The following CDKAL1 variants were observed in gnomAD, a reference collection of about 807,000 sequenced individuals.
The protein encoded by CDKAL1 is threonylcarbamoyladenosine tRNA methylthiotransferase.
In CDKAL1, 32 loss-of-function variants were observed where a neutral mutation model predicts 68.2. The ratio of observed to expected loss-of-function variants is 0.47; its 90% CI spans 0.35 to 0.63. CDKAL1 has a LOEUF of 0.63. Among genes scored for constraint, CDKAL1 ranks in the 30% least tolerant of loss-of-function variants. CDKAL1 has a pLI of 0.00. For missense variants in CDKAL1, 606 were observed against 696.7 expected (o/e 0.87, Z 1.47); for synonymous variants, 234 against 244.3 (o/e 0.96, Z 0.39).
intron 4 of CDKAL1, among the ~76,000 whole-genome samples, chr6:20,598,300 G>A (rs1318573511): frequency 1.3e-5 from 2 of 152,176 alleles, no homozygotes; most frequent in Non-Finnish European, 2.9e-5. Flanking sequence ...GAAAGCTTTG[G>A]TGTGGGCTAG....
intron 13 of CDKAL1, among the ~76,000 whole-genome samples, chr6:21,170,927 T>C (rs1381081348): frequency 6.6e-6 from 1 of 152,216 alleles, no homozygotes; most frequent in East Asian, 1.9e-4. Flanking sequence ...ATCTTAATAC[T>C]AAATGAAAAG....
At chr6:21,165,043 C>T (rs966993638) in intron 13 of CDKAL1, among the ~76,000 whole-genome samples, 1 of 152,152 alleles carries the variant, frequency 6.6e-6, no homozygotes, top group African/African-American at 2.4e-5. Flanking sequence ...TTCCTCCTTC[C>T]CCAGGTGTCT....
intron 9 of CDKAL1, among the ~76,000 whole-genome samples, chr6:20,942,822 G>GC (rs1764048246): frequency 6.7e-6 from 1 of 150,278 alleles, no homozygotes; most frequent in South Asian, 2.1e-4. Context: ...AGGCATGGTG[G>GC]CGTGTGCCTG....
intron 9 of CDKAL1, among the ~76,000 whole-genome samples, chr6:20,867,740 T>C (rs1486082979): frequency 6.6e-6 from 1 of 152,220 alleles, no homozygotes; most frequent in South Asian, 2.1e-4. Context: ...TCTCTGATTT[T>C]ACATTTCATT....
chr6:20,908,682 A>G (rs1005011451), intron 9 of CDKAL1, among the ~76,000 whole-genome samples: 4 of 152,246 alleles, frequency 2.6e-5, no homozygotes, highest in East Asian at 1.9e-4. Flanking sequence ...CCAGTTGACA[A>G]TAAGTTGACT....
intron 8 of CDKAL1, among the ~76,000 whole-genome samples, chr6:20,814,691 C>T (rs1776969301): frequency 6.6e-6 from 1 of 152,190 alleles, no homozygotes; most frequent in Non-Finnish European, 1.5e-5. Flanking sequence ...CTGCTCAATG[C>T]CCTATGTATT....
intron 11 of CDKAL1, among the ~76,000 whole-genome samples, chr6:21,042,748 G>A (rs1158300638): frequency 2.0e-5 from 3 of 152,016 alleles, no homozygotes; most frequent in Admixed American, 6.6e-5. Flanking sequence ...CTGATGTACC[G>A]CTTCAAACGT....
At chr6:21,106,981 G>A (rs1055633449) in intron 12 of CDKAL1, among the ~76,000 whole-genome samples, 11 of 117,424 alleles carry the variant, frequency 9.4e-5, no homozygotes, top group African/African-American at 2.7e-4. Flanking sequence ...TCGCTTTTTC[G>A]CCCAGGCTGG....
intron 6 of CDKAL1, among the ~76,000 whole-genome samples, chr6:20,749,503 T>G (rs2150337425): frequency 6.6e-6 from 1 of 152,176 alleles, no homozygotes; most frequent in South Asian, 2.1e-4. Flanking sequence ...TGTAGAAAAA[T>G]TTTGCTCTCT....
intron 13 of CDKAL1, among the ~76,000 whole-genome samples, chr6:21,127,515 C>T (rs568466139): frequency 1.3e-5 from 2 of 152,150 alleles, no homozygotes; most frequent in South Asian, 2.1e-4. Flanking sequence ...TTTGGGAGGC[C>T]GAGGTCAGCA....
intron 9 of CDKAL1, among the ~76,000 whole-genome samples, chr6:20,875,102 A>G (rs1581742355): frequency 1.3e-5 from 2 of 151,580 alleles, no homozygotes; most frequent in East Asian, 2.0e-4. Context: ...GATCGAGACC[A>G]TCCTGTCTAA....
chr6:20,987,958 T>C lies in CDKAL1; in HGVS notation c.910-12269T>C, dbSNP rs1307134571. ...CCATCCCCAGCTTTTTTTTTTTTTTTTTTCACCTGTAGACATGGGGTCCCA... is the reference window on the plus strand; with the variant it reads ...CCATCCCCAGCTTTTTTTTTTTTTTCTTTCACCTGTAGACATGGGGTCCCA... On this transcript the variant is annotated intron_variant, in intron 10 of 15. Transcript: ENST00000274695. Among the ~76,000 whole-genome samples the C allele has an allele frequency of 3.3e-5, 5 of 151,272 alleles. No homozygotes were observed. The East Asian group carries it at 9.7e-4, about 29-fold the overall frequency.
At chr6:21,054,299 C>G (rs1052835077) in intron 11 of CDKAL1, among the ~76,000 whole-genome samples, 1 of 152,084 alleles carries the variant, frequency 6.6e-6, no homozygotes, top group African/African-American at 2.4e-5. Flanking sequence ...TATTTGGACT[C>G]TCTATTTTTC....
chr6:20,577,734 TTAAACA>T (rs1201718825), intron 4 of CDKAL1, among the ~76,000 whole-genome samples: 4 of 152,236 alleles, frequency 2.6e-5, no homozygotes, highest in African/African-American at 9.6e-5. Flanking sequence ...ACAAATTGAA[TTAAACA>T]TAAAATCCTG....
intron 2 of CDKAL1, among the ~76,000 whole-genome samples, chr6:20,544,553 G>A (rs1384145047): frequency 3.2e-5 from 4 of 123,236 alleles, no homozygotes; most frequent in African/African-American, 9.7e-5. Flanking sequence ...TCGAGATCGC[G>A]CCACTGCACT....
At chr6:21,226,754 C>G (rs1341940458) in intron 15 of CDKAL1, among the ~76,000 whole-genome samples, 1 of 152,108 alleles carries the variant, frequency 6.6e-6, no homozygotes. Context: ...ACTCTGTCAC[C>G]CAGGCTGGAG....
chr6:21,125,807 C>T (rs1000550107), intron 13 of CDKAL1, among the ~76,000 whole-genome samples: 18 of 152,350 alleles, frequency 1.2e-4, no homozygotes, highest in African/African-American at 3.6e-4. Context: ...TCTAGGAGCT[C>T]TCCTGTCTTC....
intron 5 of CDKAL1, among the ~76,000 whole-genome samples, chr6:20,676,635 C>G (rs1375901457): frequency 6.6e-6 from 1 of 150,922 alleles, no homozygotes; most frequent in African/African-American, 2.4e-5. Flanking sequence ...CCACTGCACT[C>G]CAGCCTGGGT....
At chr6:20,852,046 T>C (rs898674011) in intron 9 of CDKAL1, among the ~76,000 whole-genome samples, 1 of 152,148 alleles carries the variant, frequency 6.6e-6, no homozygotes, top group African/African-American at 2.4e-5. Context: ...CTGTATTCAA[T>C]TGAGAAATGC....
Sources: gnomAD v4.1 joint callset for allele counts (sites outside exome capture counted in the v4.1 genomes callset) on GRCh38, gnomAD v4.1.1 for gene constraint, MANE v1.5 for transcripts, NCBI Gene and HGNC (gene_info 2026-07-23, HGNC 2026-07-21) for gene names.